The following PYURF variants were observed in gnomAD, a reference collection of about 807,000 sequenced individuals.
PYURF encodes the protein PIGY upstream open reading frame.
In PYURF, 9 loss-of-function variants were observed where a neutral mutation model predicts 8.0. That is an observed-to-expected ratio of 1.13 (90% confidence interval 0.68 to 1.97). The LOEUF is 1.97. Among genes scored for constraint, PYURF ranks in the 30% most tolerant of loss-of-function variants. PYURF has a pLI of 0.00. For synonymous variants in PYURF, 56 were observed against 68.3 expected (o/e 0.82, Z 0.89); for missense variants, 130 against 158.0 (o/e 0.82, Z 0.95).
Position 88,521,283 on chromosome 4 carries a change from T to A in PYURF, c.*605A>T, listed in dbSNP as rs2149117091. 3.0e-6 allele frequency: 1 copy of A among 337,748 alleles called. No individual in the cohort carries two copies. The highest frequency in any genetic ancestry group is 5.4e-6 in the Non-Finnish European group (1 of 183,504). 20.9% of individuals were successfully genotyped at this position (337,748 alleles called of 1,614,324 possible). On this transcript the variant is annotated 3_prime_UTR_variant, in exon 2 of 2. Coordinates refer to ENST00000273968, the MANE Select transcript of PYURF (RefSeq NM_032906.5). ...AAAATTTCAATGACTCTTAGATGAATGGAATAAGAAATAGTCATCACATGT... is the reference window on the plus strand; with the variant it reads ...AAAATTTCAATGACTCTTAGATGAAAGGAATAAGAAATAGTCATCACATGT...
Position 88,521,463 on chromosome 4 carries a change from T to G in PYURF, c.*425A>C, listed in dbSNP as rs1220665890. 7.4e-6 allele frequency: 7 copies of G among 944,834 alleles called. No homozygotes were observed. In the East Asian group the frequency reaches 7.9e-5, roughly 11 times the overall value. 58.5% of individuals were successfully genotyped at this position (944,834 alleles called of 1,614,324 possible). A position where few individuals can be genotyped will look rare whatever the true frequency, so the allele number is the denominator to read the frequency against. Reference sequence around the variant, plus strand: ...GCCTCCCACAGTCCTAAGCCTGATATGCGCAAAGCAAAGCCTCTTTCCCGC... The same window carrying G: ...GCCTCCCACAGTCCTAAGCCTGATAGGCGCAAAGCAAAGCCTCTTTCCCGC... On this transcript the variant is annotated 3_prime_UTR_variant, in exon 2 of 2. Coordinates refer to ENST00000273968, the MANE Select transcript of PYURF (RefSeq NM_032906.5).
At position 88,523,766 on chromosome 4, in the gene PYURF, C is replaced by A. The variant is rs991610681; in HGVS notation, c.-66G>T. 2.9e-6 allele frequency: 4 copies of A among 1,376,676 alleles called. No individual in the cohort carries two copies. The highest frequency in any genetic ancestry group is 1.6e-5 in the South Asian group (1 of 63,384). The allele number at this position is 1,376,676 out of a possible 1,614,324, so 85.3% of individuals were successfully genotyped here. On this transcript the variant is annotated 5_prime_UTR_variant, in exon 1 of 2. Transcript: ENST00000273968. ...ACCCGTGGCCGAGCTCCCGGCTTCC[C>A]GTTCGTCCAGGCCAGCCGGGCAGGC...
chr4:88,523,362 GAC>G, intron 1 of PYURF, 134 bp downstream of exon 1: 2 of 916,560 alleles, frequency 2.2e-6, no homozygotes, highest in East Asian at 5.3e-5. Flanking sequence ...GCCCGGCGAG[GAC>G]AGAGTCCAGA....
chr4:88,523,658 C>A lies in PYURF; in HGVS notation c.43G>T (p.Gly15Ter). Residue 15 changes from glycine (G) to a stop codon, truncating the protein, a stop_gained, in exon 1 of 2, where the codon GGA becomes TGA. Transcript: ENST00000273968. LOFTEE classifies it high-confidence loss of function. ...ACCGCGGACGGCGGCGCGCGCGTTC[C>A]CCGCAGCGCTGAGGCGAGCCTGCAG... ...ARCRLASALR[G>*]TRAPPSAVAR... 6.5e-7 allele frequency: 1 copy of A among 1,535,458 alleles called. No individual in the cohort carries two copies. Among genetic ancestry groups the A allele is most frequent in the Non-Finnish European group, 8.7e-7 (1 of 1,143,470 alleles).
Position 88,523,565 on chromosome 4 carries a change from G to T in PYURF, c.136C>A (p.Pro46Thr). The T allele has an allele frequency of 6.4e-7, 1 of 1,550,726 alleles. No individual in the cohort carries two copies. The highest frequency in any genetic ancestry group is 8.7e-7 in the Non-Finnish European group (1 of 1,146,874). The change falls in exon 1 of 2, where the codon CCG becomes ACG. Residue 46 changes from proline (P) to threonine (T), a missense_variant. Physicochemically the swap from Pro to Thr is conservative, Grantham distance 38. Coordinates refer to ENST00000273968, the MANE Select transcript of PYURF (RefSeq NM_032906.5). ...AGCGCCGGATCGAAGTCGCGGGGCG[G>T]CTCCTCAGTCTTCTTGCCCCGGTCG... ...LADRGKKTEE[P>T]PRDFDPALLE... is the part of the protein sequence containing the mutation.
In PYURF at chr4:88,521,267, A is replaced by C. The variant is rs1742362793; in HGVS notation, c.*621T>G. Reference sequence around the variant, plus strand: ...AACAAACAAGCAAAACAAAATTTCAATGACTCTTAGATGAATGGAATAAGA... The same window carrying C: ...AACAAACAAGCAAAACAAAATTTCACTGACTCTTAGATGAATGGAATAAGA... On this transcript the variant is annotated 3_prime_UTR_variant, in exon 2 of 2. Coordinates refer to ENST00000273968, the MANE Select transcript of PYURF (RefSeq NM_032906.5). The C allele has an allele frequency of 3.7e-6, 1 of 267,576 alleles. No individual in the cohort carries two copies. The highest frequency in any genetic ancestry group is 7.6e-5 in the South Asian group (1 of 13,128). 16.6% of individuals were successfully genotyped at this position (267,576 alleles called of 1,614,324 possible).
At position 88,523,549 on chromosome 4, in the gene PYURF, T is replaced by C. The variant is rs1478745082; in HGVS notation, c.152A>G (p.Asp51Gly). Reference protein sequence around the residue: ...KKTEEPPRDFDPALLEFLVCP... With the variant: ...KKTEEPPRDFGPALLEFLVCP... ...CACCAGGAACTCCAGCAGCGCCGGATCGAAGTCGCGGGGCGGCTCCTCAGT... is the reference window on the plus strand; with the variant it reads ...CACCAGGAACTCCAGCAGCGCCGGACCGAAGTCGCGGGGCGGCTCCTCAGT... Residue 51 changes from aspartate (D) to glycine (G), a missense_variant, in exon 1 of 2, where the codon GAT becomes GGT. Coordinates refer to ENST00000273968, the MANE Select transcript of PYURF (RefSeq NM_032906.5). The C allele has an allele frequency of 1.3e-6, 2 of 1,550,890 alleles. No individual in the cohort carries two copies. The highest frequency in any genetic ancestry group is 1.7e-6 in the Non-Finnish European group (2 of 1,146,868).
Position 88,523,489 on chromosome 4 carries a change from G to A in PYURF, c.203+9C>T, listed in dbSNP as rs937066280. The A allele has an allele frequency of 1.8e-5, 28 of 1,551,182 alleles. No individual in the cohort carries two copies. The highest frequency in any genetic ancestry group is 1.7e-4 in the Middle Eastern group (1 of 5,958). ...GGCTGCAAAGGAAGGGCCAAGGCCA[G>A]CGAGTTACCTGAGCGGCTTCTTGGA... On this transcript the variant is annotated intron_variant, in intron 1 of 1. Transcript: ENST00000273968.
In PYURF at chr4:88,523,730, G is replaced by T. The variant is rs550251902; in HGVS notation, c.-30C>A. On this transcript the variant is annotated 5_prime_UTR_variant, in exon 1 of 2. Transcript: ENST00000273968. ...TGGCAGCCGGAGACCAGGCCTCACC[G>T]CAGCCTCGCCACCCGTGGCCGAGCT... The T allele has an allele frequency of 2.9e-5, 41 of 1,413,616 alleles. No individual in the cohort carries two copies. Among genetic ancestry groups the T allele is most frequent in the Admixed American group, 1.5e-4 (5 of 32,850 alleles). The allele number at this position is 1,413,616 out of a possible 1,614,324, so 87.6% of individuals were successfully genotyped here.
Position 88,521,835 on chromosome 4 carries a change from T to C in PYURF, c.*53A>G, listed in dbSNP as rs1284754742. ...CTGCCACTGTGTTTTAAAAGGTATA[T>C]GGTATTAAGAAAAGTTGGCTGTTGC... is the stretch of plus-strand genomic sequence containing the variant. On this transcript the variant is annotated 3_prime_UTR_variant, in exon 2 of 2. Transcript: ENST00000273968. The C allele has an allele frequency of 6.3e-7, 1 of 1,580,432 alleles. No individual in the cohort carries two copies. The highest frequency in any genetic ancestry group is 2.3e-5 in the East Asian group (1 of 43,848).
Position 88,523,626 on chromosome 4 carries a change from A to G in PYURF, c.75T>C (p.Arg25=), listed in dbSNP as rs1742468629. The change falls in exon 1 of 2, where the codon CGT becomes CGC. Residue 25 remains arginine, a synonymous_variant. Transcript: ENST00000273968. ...GCGACCCCGACGCGTGCAGGCACCT[A>G]CGGGCGACCGCGGACGGCGGCGCGC... is the stretch of plus-strand genomic sequence containing the variant. ...GTRAPPSAVA[R]RCLHASGSRP... The G allele has an allele frequency of 6.5e-7, 1 of 1,544,684 alleles. No individual in the cohort carries two copies. Among genetic ancestry groups the G allele is most frequent in the African/African-American group, 1.4e-5 (1 of 72,822 alleles).
chr4:88,521,790 T>C lies in PYURF; in HGVS notation c.*98A>G. The C allele has an allele frequency of 6.2e-7, 1 of 1,609,092 alleles. No individual in the cohort carries two copies. Among genetic ancestry groups the C allele is most frequent in the South Asian group, 1.1e-5 (1 of 90,526 alleles). On this transcript the variant is annotated 3_prime_UTR_variant, in exon 2 of 2. Transcript: ENST00000273968. The stretch of plus-strand genomic sequence containing the variant: ...TCAACGTAGGAAGAGACAGAAACAT[T>C]CTTCTCTTCCACTTATTACCTGCCA...
intron 1 of PYURF, 35 bp downstream of exon 1, chr4:88,523,463 A>G: frequency 6.5e-7 from 1 of 1,548,058 alleles, no homozygotes. Context: ...GCCCACCGGG[A>G]GGCTGCAAAG....
chr4:88,522,102 ATACCACC>A, intron 1 of PYURF, 73 bp from the exon 2 acceptor site: 2 of 1,373,706 alleles, frequency 1.5e-6, no homozygotes, highest in Non-Finnish European at 1.9e-6. Context: ...TTTTCAACAA[ATACCACC>A]ATTTATCCAA....
chr4:88,521,983 C>A lies in PYURF; in HGVS notation c.250G>T (p.Ala84Ser), dbSNP rs1486280960. The change falls in exon 2 of 2, where the codon GCT becomes TCT. Residue 84 changes from alanine to serine, a missense_variant. By Grantham distance (99) the Ala-to-Ser change is moderately conservative. Transcript: ENST00000273968. ...GGGATCCCATCAATGATTGGATAAGCTATTCCCAACTCTTCATTAATCAAT... is the reference window on the plus strand; with the variant it reads ...GGGATCCCATCAATGATTGGATAAGATATTCCCAACTCTTCATTAATCAAT... ...NELINEELGIAYPIIDGIPNM... is the reference protein window; with the variant it reads ...NELINEELGISYPIIDGIPNM... 1 of 1,550,812 alleles carries A rather than the reference C, an allele frequency of 6.4e-7. No homozygotes were observed. Among genetic ancestry groups the A allele is most frequent in the African/African-American group, 1.4e-5 (1 of 72,980 alleles).
Position 88,521,507 on chromosome 4 carries a change from T to A in PYURF, c.*381A>T. On this transcript the variant is annotated 3_prime_UTR_variant, in exon 2 of 2. Coordinates refer to ENST00000273968, the MANE Select transcript of PYURF (RefSeq NM_032906.5). ...TTCCCGCAAACTAAATTCCATCCAT[T>A]TGAGCTTTCAGAGATCGATGCCCAA... 7.2e-7 allele frequency: 1 copy of A among 1,393,846 alleles called. No homozygotes were observed. Among genetic ancestry groups the A allele is most frequent in the Non-Finnish European group, 1.0e-6 (1 of 1,001,716 alleles). 86.3% of individuals were successfully genotyped at this position (1,393,846 alleles called of 1,614,324 possible).
intron 1 of PYURF, among the ~76,000 whole-genome samples, chr4:88,522,287 T>G (rs1049876809): frequency 7.3e-5 from 11 of 149,894 alleles, no homozygotes; most frequent in Admixed American, 7.2e-4. Context: ...TATTCCTTAA[T>G]TTTTTTTCAT....
At position 88,522,002 on chromosome 4, in the gene PYURF, A is replaced by T. The variant is rs770630321; in HGVS notation, c.231T>A (p.Ile77=). The T allele has an allele frequency of 6.5e-7, 1 of 1,549,290 alleles. No homozygotes were observed. Among genetic ancestry groups the T allele is most frequent in the Admixed American group, 2.0e-5 (1 of 50,516 alleles). Residue 77 remains isoleucine (I), a synonymous_variant, in exon 2 of 2, where the codon ATT becomes ATA. Coordinates refer to ENST00000273968, the MANE Select transcript of PYURF (RefSeq NM_032906.5). The part of the protein sequence containing the change: ...LRYEASTNEL[I]NEELGIAYPI... The stretch of plus-strand genomic sequence containing the variant: ...GATAAGCTATTCCCAACTCTTCATT[A>T]ATCAATTCGTTTGTTGATGCTTCAT...
At chr4:88,522,071 T>C in intron 1 of PYURF, 42 bp from the exon 2 acceptor site, 1 of 1,506,932 alleles carries the variant, frequency 6.6e-7, no homozygotes, top group Non-Finnish European at 8.9e-7. Flanking sequence ...TGTGGGAAAA[T>C]AAAATGCTTG....
Sources: allele counts gnomAD v4.1 joint callset (sites outside exome capture counted in the v4.1 genomes callset), GRCh38; gene constraint gnomAD v4.1.1; transcripts MANE v1.5; gene names NCBI Gene and HGNC (gene_info 2026-07-23, HGNC 2026-07-21).